The following SERPINB12 variants were observed in gnomAD, a reference collection of about 807,000 sequenced individuals.
SERPINB12 encodes the protein serpin B12.
Under a neutral mutation model 41.1 loss-of-function variants are expected in SERPINB12, and 57 were observed. The observed-to-expected ratio is 1.39, with a 90% CI of 1.12 to 1.73. The LOEUF (loss-of-function observed/expected upper bound fraction) is 1.73. Among genes scored for constraint, SERPINB12 ranks in the 40% most tolerant of loss-of-function variants. SERPINB12 has a pLI of 0.00. For missense variants in SERPINB12, 536 were observed against 501.9 expected (o/e 1.07, Z -0.65); for synonymous variants, 180 against 181.3 (o/e 0.99, Z 0.06).
At chr18:63,559,529 T>C in intron 3 of SERPINB12, 49 bp from the exon 4 acceptor site, 1 of 1,597,438 alleles carries the variant, frequency 6.3e-7, no homozygotes, top group South Asian at 1.1e-5. Flanking sequence ...GGTGTTTAGC[T>C]CTTCTGATAG....
In SERPINB12 at chr18:63,556,211, G is replaced by A. The variant is rs778921216; in HGVS notation, c.52G>A (p.Glu18Lys). The A allele has an allele frequency of 1.9e-6, 3 of 1,613,796 alleles. No homozygotes were observed. The highest frequency in any genetic ancestry group is 1.7e-6 in the Non-Finnish European group (2 of 1,179,918). The change falls in exon 2 of 8, where the codon GAG becomes AAG. Residue 18 changes from glutamate (E) to lysine (K), a missense_variant. Physicochemically the swap from Glu to Lys is moderately conservative, Grantham distance 56. Coordinates refer to ENST00000382768, the MANE Select transcript of SERPINB12 (RefSeq NM_001307928.2). Reference sequence around the variant, plus strand: ...CAAATTTTGCTTTGATCTTTTTCAAGAGATAGGCAAAGATGATCGTCATAA... The same window carrying A: ...CAAATTTTGCTTTGATCTTTTTCAAAAGATAGGCAAAGATGATCGTCATAA... ...NTKFCFDLFQEIGKDDRHKNI... is the reference protein window; with the variant it reads ...NTKFCFDLFQKIGKDDRHKNI...
upstream of SERPINB12, among the ~76,000 whole-genome samples, chr18:63,537,385 G>A (rs1242798233): frequency 6.6e-6 from 1 of 152,142 alleles, no homozygotes; most frequent in East Asian, 1.9e-4. Context: ...TTCTCTTTTG[G>A]TAAATTGAGT....
the SERPINB12 span, among the ~76,000 whole-genome samples, chr18:63,536,968 G>A: frequency 1.4e-4 from 21 of 151,988 alleles, no homozygotes; most frequent in African/African-American, 3.1e-4. Flanking sequence ...ACCTCACATC[G>A]TAGACCAAAA....
chr18:63,549,284 A>T (rs1332219379), intron 1 of SERPINB12, among the ~76,000 whole-genome samples: 1 of 152,200 alleles, frequency 6.6e-6, no homozygotes, highest in Non-Finnish European at 1.5e-5. Context: ...CATTACTATT[A>T]TTCTGCCATC....
At chr18:63,530,864 C>A in the SERPINB12 span, among the ~76,000 whole-genome samples, 3 of 152,088 alleles carry the variant, frequency 2.0e-5, no homozygotes, top group African/African-American at 7.2e-5. Context: ...CTAACCAAGG[C>A]GGCCGACTTT....
At chr18:63,555,406 T>C (rs1910641436) in intron 1 of SERPINB12, among the ~76,000 whole-genome samples, 1 of 152,174 alleles carries the variant, frequency 6.6e-6, no homozygotes. Flanking sequence ...TGATGTTTGC[T>C]TGGCTGCTAA....
chr18:63,524,157 G>A, the SERPINB12 span, among the ~76,000 whole-genome samples: 1 of 151,944 alleles, frequency 6.6e-6, no homozygotes, highest in African/African-American at 2.4e-5. Flanking sequence ...AACACTTTAA[G>A]TAAATTTTGT....
chr18:63,563,018 T>G (rs1365056213), intron 5 of SERPINB12, among the ~76,000 whole-genome samples: 1 of 152,128 alleles, frequency 6.6e-6, no homozygotes, highest in East Asian at 1.9e-4. Context: ...AGCCCAAAGG[T>G]GGAAGGCCTG....
intron 1 of SERPINB12, among the ~76,000 whole-genome samples, chr18:63,548,642 A>G (rs1276678152): frequency 6.6e-6 from 1 of 152,092 alleles, no homozygotes; most frequent in Non-Finnish European, 1.5e-5. Context: ...CAAGACCTCA[A>G]TAGATAATTG....
At chr18:63,521,625 T>C in the SERPINB12 span, among the ~76,000 whole-genome samples, 5 of 152,078 alleles carry the variant, frequency 3.3e-5, no homozygotes, top group African/African-American at 1.2e-4. Context: ...AAAAAAAAGG[T>C]AGGCACAAGC....
chr18:63,545,590 GA>G (rs1265281664), intron 1 of SERPINB12, among the ~76,000 whole-genome samples: 1 of 152,162 alleles, frequency 6.6e-6, no homozygotes, highest in African/African-American at 2.4e-5. Flanking sequence ...TGCAAATCTA[GA>G]TTAAAGACAT....
the SERPINB12 span, among the ~76,000 whole-genome samples, chr18:63,536,242 G>A: frequency 4.3e-4 from 65 of 151,806 alleles, no homozygotes; most frequent in East Asian, 2.5e-3. Context: ...AAAATCATAC[G>A]TTTTGAAAGA....
chr18:63,522,464 G>T, the SERPINB12 span, among the ~76,000 whole-genome samples: 1 of 151,978 alleles, frequency 6.6e-6, no homozygotes, highest in African/African-American at 2.4e-5. Flanking sequence ...TAGATAAAGA[G>T]AAAAATGGTA....
At chr18:63,550,325 C>T (rs1043353090) in intron 1 of SERPINB12, among the ~76,000 whole-genome samples, 6 of 152,154 alleles carry the variant, frequency 3.9e-5, no homozygotes, top group East Asian at 1.9e-4. Context: ...ACACCAAATA[C>T]GGCCTGTGAA....
chr18:63,548,630 A>T (rs1346120139), intron 1 of SERPINB12, among the ~76,000 whole-genome samples: 6 of 152,114 alleles, frequency 3.9e-5, no homozygotes, highest in African/African-American at 1.4e-4. Context: ...TAAATAAATG[A>T]TCAAGACCTC....
chr18:63,521,758 C>G, the SERPINB12 span, among the ~76,000 whole-genome samples: 2 of 152,160 alleles, frequency 1.3e-5, no homozygotes, highest in Non-Finnish European at 2.9e-5. Flanking sequence ...CTGAACACCT[C>G]CAGTAATGGA....
At chr18:63,553,519 G>A (rs1910585947) in intron 1 of SERPINB12, among the ~76,000 whole-genome samples, 1 of 152,134 alleles carries the variant, frequency 6.6e-6, no homozygotes, top group Non-Finnish European at 1.5e-5. Context: ...CATTTGAAGA[G>A]CCAGGTTGGG....
the SERPINB12 span, among the ~76,000 whole-genome samples, chr18:63,521,171 T>A: frequency 3.9e-5 from 6 of 152,220 alleles, no homozygotes; most frequent in Non-Finnish European, 8.8e-5. Context: ...TTTGTGATAC[T>A]TCTTGTTATC....
At chr18:63,535,784 C>T in the SERPINB12 span, among the ~76,000 whole-genome samples, 1 of 151,970 alleles carries the variant, frequency 6.6e-6, no homozygotes, top group Non-Finnish European at 1.5e-5. Flanking sequence ...ATATTTAGAG[C>T]TAATAGACAG....
Sources: allele counts gnomAD v4.1 joint callset (sites outside exome capture counted in the v4.1 genomes callset), GRCh38; gene constraint gnomAD v4.1.1; transcripts MANE v1.5; gene names NCBI Gene and HGNC (gene_info 2026-07-23, HGNC 2026-07-21).